UTRN: variants seen among roughly 807,000 people sequenced by gnomAD.
UTRN encodes dystrophin-related protein 1.
Under a neutral mutation model 463.9 loss-of-function variants are expected in UTRN, and 283 were observed. The ratio of observed to expected loss-of-function variants is 0.61; its 90% CI spans 0.55 to 0.67. UTRN has a LOEUF of 0.67. Ranked by LOEUF, UTRN falls within the 30% of genes least tolerant of loss-of-function variation. The probability of loss-of-function intolerance (pLI) is 0.00; values close to 1 mark genes in which losing one functional copy is unlikely to be tolerated. For missense variants in UTRN, 3,922 were observed against 4,084.3 expected, an observed-to-expected ratio of 0.96 and a Z score of 1.08; for synonymous variants, 1,442 against 1,431.5, an observed-to-expected ratio of 1.01 and a Z score of -0.17.
At chr6:144,642,014 A>G (rs777248571) in intron 51 of UTRN, among the ~76,000 whole-genome samples, 37 of 152,202 alleles carry the variant, frequency 2.4e-4, no homozygotes, top group Non-Finnish European at 4.6e-4. Flanking sequence ...TTCCAAGTTA[A>G]TGAGATCTCA....
At chr6:144,477,300 AGTAC>A (rs2128571263) in intron 25 of UTRN, among the ~76,000 whole-genome samples, 1 of 152,338 alleles carries the variant, frequency 6.6e-6, no homozygotes, top group South Asian at 2.1e-4. Flanking sequence ...TCACGTAAAT[AGTAC>A]GTATTTCTTA....
intron 51 of UTRN, among the ~76,000 whole-genome samples, chr6:144,632,893 G>A (rs1309121904): frequency 6.6e-6 from 1 of 151,310 alleles, no homozygotes; most frequent in Non-Finnish European, 1.5e-5. Flanking sequence ...GGCTAATTTT[G>A]TATTTTTAGT....
Position 144,715,771 on chromosome 6 carries a change from C to CT in UTRN, c.7810-14572dup, listed in dbSNP as rs1177928009. 5.4e-3 allele frequency among the ~76,000 whole-genome samples: 673 copies of CT among 124,658 alleles called. 1 individual carries two copies. The highest frequency in any genetic ancestry group is 0.014 in the African/African-American group (455 of 31,666). 81.8% of individuals were successfully genotyped at this position (124,658 alleles called of 152,430 possible). ...TAACACAATGACTTATTTTCTATGT[C>CT]TTTTTTTTTTTTTTGCTTGGTACTC... On this transcript the variant is annotated intron_variant, in intron 53 of 74. Coordinates refer to ENST00000367545, the MANE Select transcript of UTRN (RefSeq NM_007124.3).
At chr6:144,677,776 G>A (rs1781793582) in intron 51 of UTRN, among the ~76,000 whole-genome samples, 1 of 152,004 alleles carries the variant, frequency 6.6e-6, no homozygotes, top group Admixed American at 6.6e-5. Context: ...GCCAGCACCT[G>A]TTGTGTACTT....
At chr6:144,624,490 A>G (rs537399579) in intron 51 of UTRN, among the ~76,000 whole-genome samples, 1 of 152,316 alleles carries the variant, frequency 6.6e-6, no homozygotes, top group African/African-American at 2.4e-5. Context: ...TTGAATTGGT[A>G]GAAAATAGCC....
At chr6:144,629,860 G>A (rs1776328942) in intron 51 of UTRN, among the ~76,000 whole-genome samples, 1 of 152,146 alleles carries the variant, frequency 6.6e-6, no homozygotes, top group Admixed American at 6.6e-5. Flanking sequence ...CTAGAATATG[G>A]AAGACAGTTT....
At chr6:144,843,485 T>C (rs374608083) in intron 73 of UTRN, among the ~76,000 whole-genome samples, 1 of 152,270 alleles carries the variant, frequency 6.6e-6, no homozygotes, top group African/African-American at 2.4e-5. Flanking sequence ...AGAGCAAAAA[T>C]GAATTGTAAC....
chr6:144,795,902 A>G (rs1490497309), intron 63 of UTRN, among the ~76,000 whole-genome samples: 1 of 151,898 alleles, frequency 6.6e-6, no homozygotes, highest in Non-Finnish European at 1.5e-5. Context: ...GCTGTGCAGA[A>G]GCTCTTTAGT....
chr6:144,533,597 A>G (rs1797259487), intron 43 of UTRN, among the ~76,000 whole-genome samples: 1 of 152,216 alleles, frequency 6.6e-6, no homozygotes, highest in African/African-American at 2.4e-5. Flanking sequence ...GTTCAAGATC[A>G]GACCTTCCCT....
intron 3 of UTRN, among the ~76,000 whole-genome samples, chr6:144,410,128 TAAGGAG>T (rs1056102294): frequency 1.3e-5 from 2 of 152,198 alleles, no homozygotes; most frequent in Non-Finnish European, 2.9e-5. Flanking sequence ...TATTTTGTTT[TAAGGAG>T]ACACCCTAAG....
At chr6:144,610,082 G>A (rs1404631050) in intron 51 of UTRN, among the ~76,000 whole-genome samples, 2 of 146,916 alleles carry the variant, frequency 1.4e-5, no homozygotes, top group African/African-American at 5.0e-5. Context: ...ACAAAGATCA[G>A]AGCCAAAATA....
intron 2 of UTRN, among the ~76,000 whole-genome samples, chr6:144,294,492 G>A (rs1033442): frequency 1.3e-5 from 2 of 152,062 alleles, no homozygotes; most frequent in Admixed American, 1.3e-4. Context: ...AAGATCCTCT[G>A]TCTACATGCT....
At chr6:144,436,836 TTATATATAAATAAAATATATAAATAAA>T (rs1156334206) in intron 10 of UTRN, among the ~76,000 whole-genome samples, 4 of 144,576 alleles carry the variant, frequency 2.8e-5, no homozygotes, top group Non-Finnish European at 1.5e-5. Flanking sequence ...ATATTTTATT[TTATATATAAATAAAATATATAAATAAA>T]TATATATAAA....
chr6:144,322,874 C>T (rs927638090), intron 2 of UTRN, among the ~76,000 whole-genome samples: 11 of 149,388 alleles, frequency 7.4e-5, no homozygotes, highest in South Asian at 2.1e-4. Context: ...ACCTGGGAGG[C>T]GGAGCTTGCA....
At chr6:144,346,012 T>TA (rs1234608710) in intron 2 of UTRN, among the ~76,000 whole-genome samples, 1 of 152,048 alleles carries the variant, frequency 6.6e-6, no homozygotes, top group Admixed American at 6.5e-5. Context: ...ACCTTGTCTC[T>TA]ACTAAAAATA....
At chr6:144,692,559 A>C (rs1196609648) in intron 52 of UTRN, among the ~76,000 whole-genome samples, 1 of 152,000 alleles carries the variant, frequency 6.6e-6, no homozygotes, top group Non-Finnish European at 1.5e-5. Context: ...CATCTGTTAT[A>C]TTTTGACTTT....
At chr6:144,745,273 CT>C (rs200791269) in intron 54 of UTRN, among the ~76,000 whole-genome samples, 1,579 of 151,962 alleles carry the variant, frequency 0.01, 12 homozygotes, top group Non-Finnish European at 0.017. Context: ...AATAATTTCC[CT>C]TTTTTTCATT....
At chr6:144,566,722 C>T (rs569679793) in intron 50 of UTRN, among the ~76,000 whole-genome samples, 1 of 152,244 alleles carries the variant, frequency 6.6e-6, no homozygotes, top group Admixed American at 6.5e-5. Flanking sequence ...GTGCTTTCTA[C>T]AGTGGGATTT....
intron 2 of UTRN, among the ~76,000 whole-genome samples, chr6:144,392,998 G>GCCATCCATCCATCCATCCAT (rs58099859): frequency 6.7e-6 from 1 of 150,082 alleles, no homozygotes; most frequent in Non-Finnish European, 1.5e-5. Flanking sequence ...GTGTCCAGCT[G>GCCATCCATCCATCCATCCAT]CCATCCATCC....
Sources: allele counts gnomAD v4.1 joint callset (sites outside exome capture counted in the v4.1 genomes callset), GRCh38; gene constraint gnomAD v4.1.1; transcripts MANE v1.5; gene names NCBI Gene and HGNC (gene_info 2026-07-23, HGNC 2026-07-21).